Variants in BCL2L13 observed in about 807,000 individuals in gnomAD.
BCL2L13 encodes BCL2 like 13, also known as bcl-2-like protein 13.
Under a neutral mutation model 25.8 loss-of-function variants are expected in BCL2L13, and 13 were observed. The ratio of observed to expected loss-of-function variants is 0.50; its 90% CI spans 0.33 to 0.80. BCL2L13 has a LOEUF of 0.80. Ranked by LOEUF, BCL2L13 falls within the 30% of genes least tolerant of loss-of-function variation. The probability of loss-of-function intolerance (pLI) is 0.02; values close to 1 mark genes in which losing one functional copy is unlikely to be tolerated. For missense variants in BCL2L13, 504 were observed against 574.9 expected, an observed-to-expected ratio of 0.88 and a Z score of 1.26; for synonymous variants, 244 against 230.3, an observed-to-expected ratio of 1.06 and a Z score of -0.54.
upstream of BCL2L13, among the ~76,000 whole-genome samples, chr22:17,637,746 C>T (rs2058137042): frequency 6.6e-6 from 1 of 152,084 alleles, no homozygotes. Context: ...TTAATGGCAC[C>T]ATCCTTTCCT....
chr22:17,664,770 C>G (rs2059184039), intron 2 of BCL2L13, among the ~76,000 whole-genome samples: 1 of 152,214 alleles, frequency 6.6e-6, no homozygotes, highest in Non-Finnish European at 1.5e-5. Flanking sequence ...GCTGCCAAGG[C>G]TTAGGACTTT....
upstream of BCL2L13, among the ~76,000 whole-genome samples, chr22:17,634,666 G>A (rs2058076520): frequency 1.3e-5 from 2 of 152,172 alleles, no homozygotes; most frequent in South Asian, 4.1e-4. Context: ...TGATTGGCCA[G>A]GCGTGGTGGC....
chr22:17,691,476 C>T (rs2060102384), intron 4 of BCL2L13, among the ~76,000 whole-genome samples: 1 of 152,098 alleles, frequency 6.6e-6, no homozygotes, highest in Non-Finnish European at 1.5e-5. Context: ...GAAACCCCGT[C>T]TCTACTAAAA....
chr22:17,653,496 T>C (rs1210365962), intron 1 of BCL2L13, among the ~76,000 whole-genome samples: 1 of 59,180 alleles, frequency 1.7e-5, no homozygotes, highest in Non-Finnish European at 3.8e-5. Context: ...TCCAGTATGA[T>C]TTTTTTTTTT....
chr22:17,701,633 A>C (rs1032945514), intron 5 of BCL2L13, among the ~76,000 whole-genome samples: 1 of 152,186 alleles, frequency 6.6e-6, no homozygotes, highest in Non-Finnish European at 1.5e-5. Flanking sequence ...GCTGTTATAA[A>C]TAATGCTTCA....
At chr22:17,713,987 T>G (rs2060837670) in intron 6 of BCL2L13, among the ~76,000 whole-genome samples, 1 of 151,386 alleles carries the variant, frequency 6.6e-6, no homozygotes, top group South Asian at 2.1e-4. Context: ...CTACCAAAAG[T>G]ATTTTAAAAA....
At chr22:17,721,339 C>T (rs550769527) in intron 6 of BCL2L13, among the ~76,000 whole-genome samples, 1 of 152,178 alleles carries the variant, frequency 6.6e-6, no homozygotes, top group South Asian at 2.1e-4. Flanking sequence ...GAGCCCTGTT[C>T]ATATTTACAT....
chr22:17,643,593 T>C (rs2064570229), intron 1 of BCL2L13, among the ~76,000 whole-genome samples: 1 of 152,060 alleles, frequency 6.6e-6, no homozygotes, highest in African/African-American at 2.4e-5. Flanking sequence ...AGAAACTTAA[T>C]GTTTTGTTGT....
intron 1 of BCL2L13, among the ~76,000 whole-genome samples, chr22:17,630,819 G>A (rs372429044): frequency 6.6e-6 from 1 of 151,372 alleles, no homozygotes; most frequent in South Asian, 2.1e-4. Flanking sequence ...TTGAACTCCC[G>A]ACCTCAGGTG....
chr22:17,693,577 A>G lies in BCL2L13; in HGVS notation c.387-2564A>G, dbSNP rs2060180017. 2.0e-5 allele frequency among the ~76,000 whole-genome samples: 3 copies of G among 151,776 alleles called. No individual in the cohort carries two copies. The South Asian group carries it at 6.2e-4, about 31-fold the overall frequency. ...GTATTTTTAGTAGAGACATGGTTTC[A>G]CCAGGTTGGCCAGGCTGGTCTTGAA... is the stretch of plus-strand genomic sequence containing the variant. On this transcript the variant is annotated intron_variant, in intron 4 of 6. Coordinates refer to ENST00000317582, the MANE Select transcript of BCL2L13 (RefSeq NM_015367.4).
At chr22:17,680,771 G>C (rs956777499) in intron 2 of BCL2L13, among the ~76,000 whole-genome samples, 3 of 152,072 alleles carry the variant, frequency 2.0e-5, no homozygotes, top group Admixed American at 2.0e-4. Context: ...TTTCTGGGTG[G>C]TGATTTTAGT....
At chr22:17,683,117 TGCGAGACTCC>T in intron 2 of BCL2L13, 87 bp from the exon 3 acceptor site, 1 of 658,098 alleles carries the variant, frequency 1.5e-6, no homozygotes, top group Non-Finnish European at 2.6e-6. Flanking sequence ...CCAGTGACAG[TGCGAGACTCC>T]GTCTCAAAAA....
chr22:17,650,818 C>T (rs2058656985), intron 1 of BCL2L13, among the ~76,000 whole-genome samples: 1 of 151,544 alleles, frequency 6.6e-6, no homozygotes, highest in Non-Finnish European at 1.5e-5. Context: ...AGCTATCCTC[C>T]CATCTCGGCC....
At chr22:17,688,070 T>G (rs945783749) in intron 3 of BCL2L13, among the ~76,000 whole-genome samples, 14 of 147,870 alleles carry the variant, frequency 9.5e-5, no homozygotes, top group Non-Finnish European at 1.8e-4. Flanking sequence ...TGCCCAGCCT[T>G]GGCCTCCCAA....
At chr22:17,684,720 A>T (rs959304808) in intron 3 of BCL2L13, 1 of 362,780 alleles carries the variant, frequency 2.8e-6, no homozygotes, top group Non-Finnish European at 5.3e-6. Flanking sequence ...TGTGCCACCA[A>T]ACCTGGCTAA....
At chr22:17,695,665 A>G (rs2060244594) in intron 4 of BCL2L13, 2 of 152,308 alleles carry the variant, frequency 1.3e-5, no homozygotes, top group Admixed American at 6.5e-5. Context: ...GACTCAATTT[A>G]TTGCGATATT....
intron 2 of BCL2L13, among the ~76,000 whole-genome samples, chr22:17,683,005 C>A (rs536758664): frequency 6.6e-6 from 1 of 151,998 alleles, no homozygotes; most frequent in African/African-American, 2.4e-5. Flanking sequence ...TGGTGGCAGG[C>A]GCCTATAATC....
chr22:17,649,857 CTT>C (rs929630451), intron 1 of BCL2L13, among the ~76,000 whole-genome samples: 12 of 134,808 alleles, frequency 8.9e-5, no homozygotes, highest in South Asian at 4.6e-4. Flanking sequence ...ATTCTCCCCT[CTT>C]TTTTTTCTTT....
At chr22:17,684,597 C>T in intron 3 of BCL2L13, 1 of 453,934 alleles carries the variant, frequency 2.2e-6, no homozygotes, top group Non-Finnish European at 4.4e-6. Flanking sequence ...CAGTTTCGCT[C>T]TCATTGCCCA....
Sources: gnomAD v4.1 joint callset for allele counts (sites outside exome capture counted in the v4.1 genomes callset) on GRCh38, gnomAD v4.1.1 for gene constraint, MANE v1.5 for transcripts, NCBI Gene and HGNC (gene_info 2026-07-23, HGNC 2026-07-21) for gene names.